The following TOP6BL variants were observed in gnomAD, a reference collection of about 807,000 sequenced individuals.
The protein encoded by TOP6BL is TOP6B like initiator of meiotic double strand breaks.
the TOP6BL span, among the ~76,000 whole-genome samples, chr11:66,819,176 A>T: frequency 6.6e-6 from 1 of 152,124 alleles, no homozygotes; most frequent in Non-Finnish European, 1.5e-5. Flanking sequence ...GTCTGTTTCC[A>T]TGTGTCTTTA....
the TOP6BL span, among the ~76,000 whole-genome samples, chr11:66,812,708 C>T: frequency 5.3e-5 from 8 of 152,210 alleles, no homozygotes; most frequent in Admixed American, 6.5e-5. Context: ...ATTCTGGTCT[C>T]TGGCCTTGGT....
chr11:66,758,967 TTA>T, the TOP6BL span: 1 of 1,132,732 alleles, frequency 8.8e-7, no homozygotes, highest in African/African-American at 1.5e-5. Context: ...AAGCAGTTTT[TTA>T]GACTCTCATT....
chr11:66,758,036 A>G, the TOP6BL span: 11 of 671,844 alleles, frequency 1.6e-5, no homozygotes, highest in Non-Finnish European at 2.0e-5. Context: ...AAAGATGCAC[A>G]TTTTCTGAGG....
At chr11:66,800,622 T>A in the TOP6BL span, 3 of 1,581,400 alleles carry the variant, frequency 1.9e-6, no homozygotes, top group Non-Finnish European at 2.6e-6. Context: ...AATCTCACAC[T>A]TAACTTATTG....
the TOP6BL span, chr11:66,758,932 C>A: frequency 3.3e-6 from 2 of 601,746 alleles, no homozygotes; most frequent in South Asian, 3.4e-5. Context: ...TAGTAGTGGT[C>A]ACTTTTTAAA....
At chr11:66,756,323 C>A in the TOP6BL span, 2 of 1,189,330 alleles carry the variant, frequency 1.7e-6, no homozygotes, top group East Asian at 7.3e-5. Context: ...ATACAGTTAA[C>A]CCCCTTTTCC....
the TOP6BL span, among the ~76,000 whole-genome samples, chr11:66,775,671 C>G: frequency 6.6e-6 from 1 of 152,182 alleles, no homozygotes; most frequent in East Asian, 1.9e-4. Context: ...TTTGAGTTCA[C>G]TTATGGTTCT....
chr11:66,794,889 T>G, the TOP6BL span, among the ~76,000 whole-genome samples: 5 of 152,066 alleles, frequency 3.3e-5, no homozygotes, highest in Non-Finnish European at 7.4e-5. Context: ...TCCCAGCACT[T>G]TGGGAGGCCG....
At chr11:66,796,419 G>A in the TOP6BL span, 2 of 1,378,272 alleles carry the variant, frequency 1.5e-6, no homozygotes, top group Non-Finnish European at 1.0e-6. Flanking sequence ...TTGTTTTCCA[G>A]AGACCTTTAC....
chr11:66,842,935 C>G, the TOP6BL span: 1 of 1,558,532 alleles, frequency 6.4e-7, no homozygotes, highest in Non-Finnish European at 8.7e-7. Flanking sequence ...TGCCAGGGCC[C>G]CGAGCCCGTC....
chr11:66,760,844 T>A, the TOP6BL span, among the ~76,000 whole-genome samples: 1 of 151,818 alleles, frequency 6.6e-6, no homozygotes, highest in Non-Finnish European at 1.5e-5. Context: ...AAAAGCTACA[T>A]TGGAAAGGTA....
chr11:66,841,712 C>T, the TOP6BL span, among the ~76,000 whole-genome samples: 1 of 152,168 alleles, frequency 6.6e-6, no homozygotes, highest in Non-Finnish European at 1.5e-5. Flanking sequence ...CCCAGTTACT[C>T]GAGAGGATGA....
At chr11:66,759,857 C>T in the TOP6BL span, among the ~76,000 whole-genome samples, 4 of 152,274 alleles carry the variant, frequency 2.6e-5, no homozygotes, top group East Asian at 1.9e-4. Flanking sequence ...TGCTGGATTA[C>T]AGGTGTGAGC....
the TOP6BL span, among the ~76,000 whole-genome samples, chr11:66,803,422 A>C: frequency 6.6e-6 from 1 of 152,106 alleles, no homozygotes; most frequent in Non-Finnish European, 1.5e-5. Context: ...TCTCTAATAA[A>C]ATAAAATAAT....
At chr11:66,775,957 A>T in the TOP6BL span, among the ~76,000 whole-genome samples, 1 of 152,020 alleles carries the variant, frequency 6.6e-6, no homozygotes, top group Non-Finnish European at 1.5e-5. Context: ...ATCCCTTATT[A>T]ATTTGGATAA....
chr11:66,812,465 C>T, the TOP6BL span, among the ~76,000 whole-genome samples: 5 of 152,100 alleles, frequency 3.3e-5, no homozygotes, highest in Non-Finnish European at 7.3e-5. Context: ...TGTGAGCCAC[C>T]GCGCCTGGCC....
the TOP6BL span, among the ~76,000 whole-genome samples, chr11:66,746,034 C>T: frequency 6.6e-6 from 1 of 152,088 alleles, no homozygotes; most frequent in East Asian, 1.9e-4. Context: ...TGGTCTTGAA[C>T]TTCTGACCTC....
the TOP6BL span, among the ~76,000 whole-genome samples, chr11:66,835,449 C>G: frequency 6.6e-6 from 1 of 152,162 alleles, no homozygotes; most frequent in Non-Finnish European, 1.5e-5. Context: ...ATAAAATTTA[C>G]CACTTTAAAG....
the TOP6BL span, among the ~76,000 whole-genome samples, chr11:66,824,542 C>T: frequency 6.6e-6 from 1 of 150,756 alleles, no homozygotes; most frequent in Non-Finnish European, 1.5e-5. Context: ...GTGTGCTGCA[C>T]CCAGTAACTC....
Sources: gnomAD v4.1 joint callset for allele counts (sites outside exome capture counted in the v4.1 genomes callset) on GRCh38, gnomAD v4.1.1 for gene constraint, MANE v1.5 for transcripts, NCBI Gene and HGNC (gene_info 2026-07-23, HGNC 2026-07-21) for gene names.